Variants in GRID2 observed in about 807,000 individuals in gnomAD.
GRID2 encodes glutamate ionotropic receptor delta type subunit 2.
A neutral mutation model predicts 114.8 loss-of-function variants in GRID2; 33 were observed. The ratio of observed to expected loss-of-function variants is 0.29; its 90% CI spans 0.22 to 0.38. The LOEUF is 0.38. GRID2 is among the 10% of genes least tolerant of loss of function. The probability of loss-of-function intolerance (pLI) is 1.00; values close to 1 mark genes in which losing one functional copy is unlikely to be tolerated. For missense variants in GRID2, 1,184 were observed against 1,257.7 expected (o/e 0.94, Z 0.89); for synonymous variants, 505 against 449.9 (o/e 1.12, Z -1.55).
intron 2 of GRID2, among the ~76,000 whole-genome samples, chr4:92,611,532 A>G (rs1344817440): frequency 6.6e-6 from 1 of 151,532 alleles, no homozygotes; most frequent in Non-Finnish European, 1.5e-5. Context: ...CAACATATGA[A>G]CTTTTGAGGG....
At chr4:92,742,079 TATA>T (rs1736919031) in intron 2 of GRID2, among the ~76,000 whole-genome samples, 1 of 151,850 alleles carries the variant, frequency 6.6e-6, no homozygotes, top group Non-Finnish European at 1.5e-5. Context: ...TATACTCTGA[TATA>T]ATATAGGAAA....
At chr4:92,471,113 A>G (rs1722011433) in intron 1 of GRID2, among the ~76,000 whole-genome samples, 1 of 152,048 alleles carries the variant, frequency 6.6e-6, no homozygotes, top group African/African-American at 2.4e-5. Flanking sequence ...TGCCTTTTGT[A>G]TATATGAGCA....
chr4:92,393,997 G>A (rs754851039), intron 1 of GRID2, among the ~76,000 whole-genome samples: 2 of 152,058 alleles, frequency 1.3e-5, no homozygotes, highest in Non-Finnish European at 2.9e-5. Context: ...CTGCTTCAGT[G>A]ATCATATTTT....
intron 3 of GRID2, among the ~76,000 whole-genome samples, chr4:93,104,560 T>G (rs1311798200): frequency 2.0e-5 from 3 of 152,074 alleles, no homozygotes; most frequent in African/African-American, 7.2e-5. Flanking sequence ...ATGCGGTGTT[T>G]GGTTTTTTGT....
chr4:93,031,337 C>T (rs956303566), intron 2 of GRID2, among the ~76,000 whole-genome samples: 1 of 152,094 alleles, frequency 6.6e-6, no homozygotes, highest in Non-Finnish European at 1.5e-5. Flanking sequence ...AGCCACCGTG[C>T]CCGGCCGTAT....
chr4:92,965,307 A>G (rs1027172717), intron 2 of GRID2, among the ~76,000 whole-genome samples: 2 of 151,752 alleles, frequency 1.3e-5, no homozygotes, highest in African/African-American at 4.8e-5. Flanking sequence ...TCACCATAAG[A>G]GATATAACAA....
chr4:92,594,922 T>G (rs1728878479), intron 2 of GRID2, among the ~76,000 whole-genome samples: 1 of 151,902 alleles, frequency 6.6e-6, no homozygotes, highest in Admixed American at 6.6e-5. Flanking sequence ...AGGTGGAAAT[T>G]TATAAGAAAA....
At chr4:93,444,772 CAT>C (rs1291905232) in intron 10 of GRID2, among the ~76,000 whole-genome samples, 1 of 151,896 alleles carries the variant, frequency 6.6e-6, no homozygotes. Context: ...TAGGGATAAA[CAT>C]GTATTTCTCT....
chr4:93,606,961 G>C (rs538871491), intron 13 of GRID2, among the ~76,000 whole-genome samples: 8 of 152,114 alleles, frequency 5.3e-5, no homozygotes, highest in Non-Finnish European at 1.0e-4. Context: ...ATTTGACTAT[G>C]TATAAATTAG....
intron 1 of GRID2, among the ~76,000 whole-genome samples, chr4:92,452,775 G>A (rs1297176726): frequency 6.7e-6 from 1 of 150,194 alleles, no homozygotes; most frequent in African/African-American, 2.4e-5. Context: ...GCCCGTTCAT[G>A]AGTAGATAGC....
chr4:93,034,733 A>G (rs1037242948), intron 2 of GRID2, among the ~76,000 whole-genome samples: 10 of 152,156 alleles, frequency 6.6e-5, no homozygotes, highest in African/African-American at 2.2e-4. Context: ...CAATGTTTCA[A>G]CAGAAAAAAA....
chr4:92,783,061 T>A (rs983811691), intron 2 of GRID2, among the ~76,000 whole-genome samples: 5 of 152,110 alleles, frequency 3.3e-5, no homozygotes, highest in Non-Finnish European at 7.4e-5. Context: ...ATTGAGTTAA[T>A]ACATTATTAT....
At chr4:92,907,729 A>G (rs1394271773) in intron 2 of GRID2, among the ~76,000 whole-genome samples, 2 of 152,064 alleles carry the variant, frequency 1.3e-5, no homozygotes, top group African/African-American at 4.8e-5. Context: ...TTTCTTTAAA[A>G]ACTTAAATTT....
chr4:93,568,812 A>G (rs961259208), intron 13 of GRID2, among the ~76,000 whole-genome samples: 2 of 152,164 alleles, frequency 1.3e-5, no homozygotes, highest in Non-Finnish European at 2.9e-5. Flanking sequence ...TGTACTTTAA[A>G]CAACTCATCA....
chr4:92,895,534 C>A (rs1259359828), intron 2 of GRID2, among the ~76,000 whole-genome samples: 1 of 151,410 alleles, frequency 6.6e-6, no homozygotes. Flanking sequence ...TTCAGGTAGA[C>A]CGAATTGGGA....
Position 92,557,929 on chromosome 4 carries a change from A to C in GRID2, c.89-32202A>C, listed in dbSNP as rs568792748. Among the ~76,000 whole-genome samples the C allele has an allele frequency of 2.0e-5, 3 of 152,300 alleles. 1 individual carries two copies. The highest frequency in any genetic ancestry group is 4.4e-5 in the Non-Finnish European group (3 of 68,014). On this transcript the variant is annotated intron_variant, in intron 1 of 15. Transcript: ENST00000282020. ...TTGAAATATTCTGCAGATACTTTGC[A>C]TAGAATCACAGGGCCAGAATAATTT... is the stretch of plus-strand genomic sequence containing the variant.
intron 4 of GRID2, among the ~76,000 whole-genome samples, chr4:93,185,048 T>C (rs1740276182): frequency 6.6e-6 from 1 of 152,214 alleles, no homozygotes; most frequent in Non-Finnish European, 1.5e-5. Context: ...GTTAGGATTA[T>C]TAGTTAGTGT....
chr4:92,858,321 T>G (rs1003249212), intron 2 of GRID2, among the ~76,000 whole-genome samples: 1 of 152,174 alleles, frequency 6.6e-6, no homozygotes, highest in Admixed American at 6.5e-5. Flanking sequence ...GATTCACCAT[T>G]CTGGATGCCA....
At chr4:93,283,646 C>T (rs1436840833) in intron 8 of GRID2, among the ~76,000 whole-genome samples, 2 of 152,004 alleles carry the variant, frequency 1.3e-5, no homozygotes, top group East Asian at 3.9e-4. Context: ...CCTGAGTAGT[C>T]GGGGCTCTAG....
Sources: gnomAD v4.1 joint callset for allele counts (sites outside exome capture counted in the v4.1 genomes callset) on GRCh38, gnomAD v4.1.1 for gene constraint, MANE v1.5 for transcripts, NCBI Gene and HGNC (gene_info 2026-07-23, HGNC 2026-07-21) for gene names.